The following RALYL variants were observed in gnomAD, a reference collection of about 807,000 sequenced individuals.
The protein encoded by RALYL is RNA-binding Raly-like protein.
In RALYL, 29 loss-of-function variants were observed where a neutral mutation model predicts 35.1. The ratio of observed to expected loss-of-function variants is 0.83; its 90% confidence interval spans 0.61 to 1.13. The LOEUF (loss-of-function observed/expected upper bound fraction) is 1.13. Among genes scored for constraint, RALYL ranks in the 50% most tolerant of loss-of-function variants. RALYL has a pLI of 0.00. For synonymous variants in RALYL, 120 were observed against 127.6 expected (o/e 0.94, Z 0.40); for missense variants, 359 against 360.4 (o/e 1.00, Z 0.03).
chr8:84,774,682 A>G, intron 3 of RALYL, 28 bp downstream of exon 3: 16 of 1,476,758 alleles, frequency 1.1e-5, no homozygotes, highest in Non-Finnish European at 1.5e-5. Flanking sequence ...GTTTTACTCT[A>G]TATATTAGTG....
At chr8:84,709,652 C>T (rs1169748948) in intron 2 of RALYL, among the ~76,000 whole-genome samples, 1 of 151,826 alleles carries the variant, frequency 6.6e-6, no homozygotes, top group Admixed American at 6.6e-5. Context: ...TTGAGAATCA[C>T]TGAACTAGAA....
chr8:84,726,000 A>G (rs1203319236), intron 2 of RALYL, among the ~76,000 whole-genome samples: 2 of 151,432 alleles, frequency 1.3e-5, no homozygotes, highest in Non-Finnish European at 3.0e-5. Flanking sequence ...TGAGATTTAA[A>G]CAAAGCAATT....
intron 4 of RALYL, among the ~76,000 whole-genome samples, chr8:84,842,262 G>A (rs930235491): frequency 1.2e-4 from 19 of 152,058 alleles, no homozygotes; most frequent in African/African-American, 3.6e-4. Flanking sequence ...TCAAATAGAC[G>A]CAATAAAAAA....
chr8:84,608,404 T>C (rs1426465275), intron 2 of RALYL, among the ~76,000 whole-genome samples: 1 of 152,122 alleles, frequency 6.6e-6, no homozygotes, highest in Non-Finnish European at 1.5e-5. Context: ...CTTACCCTCT[T>C]GCTCCATTCC....
intron 4 of RALYL, among the ~76,000 whole-genome samples, chr8:84,815,765 G>C (rs1329688831): frequency 1.3e-5 from 2 of 151,952 alleles, no homozygotes; most frequent in East Asian, 3.9e-4. Flanking sequence ...GGCCAGGCGC[G>C]GTGGCTCATG....
chr8:84,540,556 T>TA (rs35073307), intron 2 of RALYL, among the ~76,000 whole-genome samples: 3 of 151,460 alleles, frequency 2.0e-5, no homozygotes, highest in Admixed American at 6.6e-5. Context: ...CCCATCATGA[T>TA]AAAAAAAAGT....
chr8:84,573,347 GT>G (rs138140863), intron 2 of RALYL, among the ~76,000 whole-genome samples: 1 of 151,628 alleles, frequency 6.6e-6, no homozygotes, highest in African/African-American at 2.4e-5. Flanking sequence ...TAGTATTATA[GT>G]TTTTATTCCT....
At chr8:84,230,777 G>A (rs902204874) in intron 1 of RALYL, among the ~76,000 whole-genome samples, 1 of 152,068 alleles carries the variant, frequency 6.6e-6, no homozygotes, top group African/African-American at 2.4e-5. Flanking sequence ...TAATATTCTT[G>A]CAAGTTTGTT....
At chr8:84,188,889 T>C (rs1225386596) in intron 1 of RALYL, among the ~76,000 whole-genome samples, 1 of 152,198 alleles carries the variant, frequency 6.6e-6, no homozygotes, top group African/African-American at 2.4e-5. Flanking sequence ...ACTTTGTGTT[T>C]TTCTAAATTC....
intron 2 of RALYL, among the ~76,000 whole-genome samples, chr8:84,753,051 C>T (rs1250497421): frequency 6.6e-6 from 1 of 152,160 alleles, no homozygotes; most frequent in East Asian, 1.9e-4. Context: ...AGTTCCAGCC[C>T]CTGAGAGCAG....
chr8:84,822,681 T>C (rs760219650), intron 4 of RALYL, among the ~76,000 whole-genome samples: 4 of 152,138 alleles, frequency 2.6e-5, no homozygotes, highest in Non-Finnish European at 5.9e-5. Context: ...ATTTTGGCAA[T>C]GTAAGATGAA....
chr8:84,711,837 G>A (rs1225635151), intron 2 of RALYL, among the ~76,000 whole-genome samples: 1 of 152,068 alleles, frequency 6.6e-6, no homozygotes, highest in Non-Finnish European at 1.5e-5. Context: ...ATATAAAAAT[G>A]GATTATTTAA....
chr8:84,729,609 A>T (rs1418088168), intron 2 of RALYL, among the ~76,000 whole-genome samples: 2 of 152,170 alleles, frequency 1.3e-5, no homozygotes, highest in Non-Finnish European at 2.9e-5. Flanking sequence ...GTTTTTTGAA[A>T]GGATCAATGA....
At chr8:84,270,973 A>C (rs1342018670) in intron 1 of RALYL, among the ~76,000 whole-genome samples, 1 of 152,144 alleles carries the variant, frequency 6.6e-6, no homozygotes, top group African/African-American at 2.4e-5. Context: ...AAAATTATGA[A>C]ATTCTTAAAA....
At chr8:84,543,808 C>T (rs2060178490) in intron 2 of RALYL, among the ~76,000 whole-genome samples, 1 of 152,046 alleles carries the variant, frequency 6.6e-6, no homozygotes, top group Non-Finnish European at 1.5e-5. Flanking sequence ...AACCAGTTCT[C>T]TAAAATACTC....
chr8:84,762,006 A>G (rs1384416660), intron 2 of RALYL, among the ~76,000 whole-genome samples: 1 of 152,022 alleles, frequency 6.6e-6, no homozygotes, highest in Non-Finnish European at 1.5e-5. Flanking sequence ...TGCATTATCT[A>G]TGGAGAGAGC....
At chr8:84,871,041 G>T (rs1216882991) in intron 6 of RALYL, among the ~76,000 whole-genome samples, 2 of 152,192 alleles carry the variant, frequency 1.3e-5, no homozygotes, top group Non-Finnish European at 2.9e-5. Context: ...CATAGGGTTA[G>T]AGGCTCACTT....
At chr8:84,604,104 A>G (rs544035493) in intron 2 of RALYL, among the ~76,000 whole-genome samples, 2 of 152,252 alleles carry the variant, frequency 1.3e-5, no homozygotes, top group African/African-American at 4.8e-5. Flanking sequence ...CCAATTAAAA[A>G]TGAATGGATA....
At chr8:84,199,679 A>T (rs1413148420) in intron 1 of RALYL, among the ~76,000 whole-genome samples, 1 of 152,132 alleles carries the variant, frequency 6.6e-6, no homozygotes, top group African/African-American at 2.4e-5. Context: ...TGTATATGGC[A>T]TGAGATGGTT....
Sources: allele counts gnomAD v4.1 joint callset (sites outside exome capture counted in the v4.1 genomes callset), GRCh38; gene constraint gnomAD v4.1.1; transcripts MANE v1.5; gene names NCBI Gene and HGNC (gene_info 2026-07-23, HGNC 2026-07-21).